FIGN: variants seen among roughly 807,000 people sequenced by gnomAD.
FIGN encodes the protein fidgetin, microtubule severing factor, also known as fidgetin.
A neutral mutation model predicts 51.3 loss-of-function variants in FIGN; 11 were observed. That is an observed-to-expected ratio of 0.21 (90% CI 0.13 to 0.35). FIGN has a LOEUF of 0.35. Among genes scored for constraint, FIGN ranks in the 10% least tolerant of loss-of-function variants. FIGN has a pLI of 1.00. For missense variants in FIGN, 857 were observed against 943.6 expected, an observed-to-expected ratio of 0.91 and a Z score of 1.20; for synonymous variants, 407 against 363.2, an observed-to-expected ratio of 1.12 and a Z score of -1.37.
At chr2:163,620,590 T>A (rs6751719) in intron 2 of FIGN, among the ~76,000 whole-genome samples, 139,702 of 152,196 alleles carry the variant, frequency 0.92, 65,032 homozygotes, top group Non-Finnish European at 1. Context: ...CAAAAGTATT[T>A]TGCATTTTCT....
intron 2 of FIGN, among the ~76,000 whole-genome samples, chr2:163,629,952 C>CTTTTTTTTTTTT (rs71297448): frequency 1.6e-4 from 9 of 56,928 alleles, no homozygotes; most frequent in African/African-American, 6.7e-4. Flanking sequence ...GAAAGGGGCA[C>CTTTTTTTTTTTT]TTTTTTTTTT....
chr2:163,733,317 T>G (rs1438698180), intron 2 of FIGN, among the ~76,000 whole-genome samples: 1 of 152,218 alleles, frequency 6.6e-6, no homozygotes, highest in African/African-American at 2.4e-5. Context: ...TTTTCATGAA[T>G]TATTGCAATG....
chr2:163,726,958 A>G (rs1684847397), intron 2 of FIGN, among the ~76,000 whole-genome samples: 1 of 152,076 alleles, frequency 6.6e-6, no homozygotes, highest in South Asian at 2.1e-4. Flanking sequence ...AATGCCTTCA[A>G]TCTTAAGGGA....
chr2:163,722,870 T>C (rs1175628033), intron 2 of FIGN, among the ~76,000 whole-genome samples: 1 of 152,008 alleles, frequency 6.6e-6, no homozygotes, highest in Non-Finnish European at 1.5e-5. Context: ...AATCATCTTT[T>C]AATTTTTTAA....
chr2:163,727,268 G>A (rs1684852016), intron 2 of FIGN, among the ~76,000 whole-genome samples: 1 of 151,832 alleles, frequency 6.6e-6, no homozygotes, highest in Admixed American at 6.6e-5. Flanking sequence ...AGCAGGAAAA[G>A]ATGAGTCCCC....
intron 2 of FIGN, among the ~76,000 whole-genome samples, chr2:163,672,494 A>G (rs1448537448): frequency 6.6e-6 from 1 of 152,200 alleles, no homozygotes; most frequent in Non-Finnish European, 1.5e-5. Flanking sequence ...AGACTCCTCC[A>G]ATGCTACTGA....
At chr2:163,714,180 A>G (rs1259293048) in intron 2 of FIGN, among the ~76,000 whole-genome samples, 2 of 152,168 alleles carry the variant, frequency 1.3e-5, no homozygotes, top group African/African-American at 2.4e-5. Context: ...TTTACAAAGC[A>G]AAAGAACTGA....
chr2:163,658,260 G>T (rs1448130858), intron 2 of FIGN, among the ~76,000 whole-genome samples: 1 of 151,974 alleles, frequency 6.6e-6, no homozygotes, highest in African/African-American at 2.4e-5. Context: ...GAGGAATTGA[G>T]TGCTGGGACC....
chr2:163,684,166 T>TAC (rs144392438), intron 2 of FIGN, among the ~76,000 whole-genome samples: 7,964 of 151,170 alleles, frequency 0.053, 652 homozygotes, highest in African/African-American at 0.17. Flanking sequence ...AAATTATCTT[T>TAC]ACACACACAC....
intron 2 of FIGN, among the ~76,000 whole-genome samples, chr2:163,623,364 A>G (rs1471441410): frequency 6.6e-6 from 1 of 152,198 alleles, no homozygotes; most frequent in East Asian, 1.9e-4. Context: ...AAAACCTTAA[A>G]GAAATTCTGC....
At chr2:163,705,238 C>G (rs575249181) in intron 2 of FIGN, among the ~76,000 whole-genome samples, 79 of 152,252 alleles carry the variant, frequency 5.2e-4, no homozygotes, top group African/African-American at 1.8e-3. Context: ...GTGTGGGGAC[C>G]ACTCTCCTAG....
At position 163,683,463 on chromosome 2, in the gene FIGN, A is replaced by C. The variant is rs139542791; in HGVS notation, c.25+51440T>G. On this transcript the variant is annotated intron_variant, in intron 2 of 2. Coordinates refer to ENST00000333129, the MANE Select transcript of FIGN (RefSeq NM_018086.4). The stretch of plus-strand genomic sequence containing the variant: ...CTATAAAGGCCTGGGCTAGGCTAGC[A>C]TTACTGGGGATAGGAAGGGTCAAAC... 3.5e-3 allele frequency among the ~76,000 whole-genome samples: 535 copies of C among 152,334 alleles called. 1 individual carries two copies. The highest frequency in any genetic ancestry group is 0.012 in the African/African-American group (508 of 41,572).
intron 2 of FIGN, among the ~76,000 whole-genome samples, chr2:163,670,597 A>G (rs1445938850): frequency 6.6e-6 from 1 of 152,244 alleles, no homozygotes; most frequent in Admixed American, 6.5e-5. Flanking sequence ...ATTTTAGTTG[A>G]CAAATAAAAA....
rs552998613 is a variant in FIGN at position 163,611,055 on chromosome 2, C to T, written c.777G>A (p.Gly259=). ...SASYPPQTAV[G]SGYSPGGAPP... ...GTGCCCCCCCAGGGCTGTACCCAGA[C>T]CCCACAGCAGTCTGAGGAGGATAGC... is the stretch of plus-strand genomic sequence containing the variant. Residue 259 remains glycine, a synonymous_variant, in exon 3 of 3, where the codon GGG becomes GGA. Transcript: ENST00000333129. 6.2e-7 allele frequency: 1 copy of T among 1,613,886 alleles called. No homozygotes were observed. Among genetic ancestry groups the T allele is most frequent in the Non-Finnish European group, 8.5e-7 (1 of 1,180,030 alleles).
Position 163,667,090 on chromosome 2 carries a change from G to A in FIGN, c.26-55284C>T, listed in dbSNP as rs561672307. Among the ~76,000 whole-genome samples the A allele has an allele frequency of 6.6e-4, 101 of 152,052 alleles. 1 individual carries two copies. Among genetic ancestry groups the A allele is most frequent in the African/African-American group, 2.2e-3 (91 of 41,462 alleles). On this transcript the variant is annotated intron_variant, in intron 2 of 2. Coordinates refer to ENST00000333129, the MANE Select transcript of FIGN (RefSeq NM_018086.4). The stretch of plus-strand genomic sequence containing the variant: ...ATTTTTGGTTAGTGTCACCCCAGAG[G>A]CATAGTTTCCAGAAATAGAAGGCCT...
intron 2 of FIGN, among the ~76,000 whole-genome samples, chr2:163,654,290 G>A (rs1225155918): frequency 6.6e-6 from 1 of 151,992 alleles, no homozygotes; most frequent in Non-Finnish European, 1.5e-5. Context: ...AGACATTTTG[G>A]AATGATCAAA....
chr2:163,612,459 C>T (rs1474235923), intron 2 of FIGN: 1 of 985,232 alleles, frequency 1.0e-6, no homozygotes, highest in Non-Finnish European at 1.2e-6. Flanking sequence ...AGTTTCAAAT[C>T]TGCTTCGTGG....
At chr2:163,663,422 C>T (rs966540766) in intron 2 of FIGN, among the ~76,000 whole-genome samples, 4 of 151,646 alleles carry the variant, frequency 2.6e-5, no homozygotes, top group African/African-American at 9.7e-5. Flanking sequence ...GCAACCTCTG[C>T]CTCCCGGGTT....
chr2:163,696,761 T>C (rs1030128703), intron 2 of FIGN, among the ~76,000 whole-genome samples: 13 of 151,820 alleles, frequency 8.6e-5, no homozygotes, highest in African/African-American at 3.1e-4. Flanking sequence ...TCAATCTCCC[T>C]GGCTACATCA....
Sources: allele counts gnomAD v4.1 joint callset (sites outside exome capture counted in the v4.1 genomes callset), GRCh38; gene constraint gnomAD v4.1.1; transcripts MANE v1.5; gene names NCBI Gene and HGNC (gene_info 2026-07-23, HGNC 2026-07-21).